The following VDR variants were observed in gnomAD, a reference collection of about 807,000 sequenced individuals.
The protein encoded by VDR is vitamin D3 receptor.
In VDR, 19 loss-of-function variants were observed where a neutral mutation model predicts 39.7. The ratio of observed to expected loss-of-function variants is 0.48; its 90% CI spans 0.33 to 0.70. VDR has a LOEUF of 0.70. Among genes scored for constraint, VDR ranks in the 30% least tolerant of loss-of-function variants. The pLI is 0.02. For synonymous variants in VDR, 242 were observed against 215.8 expected (o/e 1.12, Z -1.07); for missense variants, 442 against 570.5 (o/e 0.77, Z 2.29).
intron 1 of VDR, among the ~76,000 whole-genome samples, chr12:47,886,220 T>C (rs1231108096): frequency 6.6e-6 from 1 of 152,260 alleles, no homozygotes; most frequent in Admixed American, 6.5e-5. Context: ...GATATGCCTG[T>C]GTGTCCGCCA....
At chr12:47,850,127 T>C (rs1232601470) in intron 7 of VDR, among the ~76,000 whole-genome samples, 6 of 152,188 alleles carry the variant, frequency 3.9e-5, no homozygotes, top group Admixed American at 3.9e-4. Flanking sequence ...TCTGGGATTA[T>C]AGGTGTGAGC....
At chr12:47,861,654 G>A (rs1407824400) in intron 4 of VDR, among the ~76,000 whole-genome samples, 1 of 152,190 alleles carries the variant, frequency 6.6e-6, no homozygotes, top group East Asian at 1.9e-4. Flanking sequence ...CTGAAAGAGT[G>A]TTGGGCTGTC....
At chr12:47,852,061 C>T (rs1253406328) in intron 7 of VDR, among the ~76,000 whole-genome samples, 1 of 152,190 alleles carries the variant, frequency 6.6e-6, no homozygotes, top group East Asian at 1.9e-4. Context: ...GGGCCTTGAG[C>T]ATGGGAGAAA....
At chr12:47,896,709 GTCAGACCTCAAATGGAGT>G (rs1946471068) in intron 1 of VDR, 1 of 152,174 alleles carries the variant, frequency 6.6e-6, no homozygotes, top group Non-Finnish European at 1.5e-5. Flanking sequence ...AACAAAGCCG[GTCAGACCTCAAATGGAGT>G]TCATTATAAT....
chr12:47,882,636 A>ACCCCCCCC, intron 2 of VDR, 58 bp downstream of exon 2: 7 of 266,076 alleles, frequency 2.6e-5, no homozygotes, highest in South Asian at 4.9e-5. Context: ...CCTCCCCCCC[A>ACCCCCCCC]CCCCGCCCCT....
chr12:47,877,605 G>T (rs1946033325), intron 3 of VDR, among the ~76,000 whole-genome samples: 1 of 152,100 alleles, frequency 6.6e-6, no homozygotes, highest in Admixed American at 6.5e-5. Context: ...AGGCGCTGAG[G>T]TGTGCGTTAG....
chr12:47,899,901 G>A (rs886432216), intron 1 of VDR: 1 of 985,442 alleles, frequency 1.0e-6, no homozygotes, highest in African/African-American at 1.7e-5. Flanking sequence ...CCTGGCATGA[G>A]GCTATCAGAG....
At chr12:47,851,346 G>A (rs773962598) in intron 7 of VDR, among the ~76,000 whole-genome samples, 11 of 152,058 alleles carry the variant, frequency 7.2e-5, no homozygotes, top group Non-Finnish European at 1.3e-4. Flanking sequence ...AGACTGAGAG[G>A]CTAAGGGAGG....
At chr12:47,847,773 T>C (rs1945306990) in intron 7 of VDR, among the ~76,000 whole-genome samples, 1 of 152,108 alleles carries the variant, frequency 6.6e-6, no homozygotes, top group African/African-American at 2.4e-5. Context: ...GACAGTGTCC[T>C]GTTCTGTCAC....
At chr12:47,878,698 G>A in intron 3 of VDR, 1 of 558,762 alleles carries the variant, frequency 1.8e-6, no homozygotes, top group South Asian at 1.6e-5. Flanking sequence ...GTAGGAGGCT[G>A]TGGGTTACAG....
chr12:47,886,254 G>A (rs1374454981), intron 1 of VDR, among the ~76,000 whole-genome samples: 4 of 152,202 alleles, frequency 2.6e-5, no homozygotes, highest in Admixed American at 1.3e-4. Flanking sequence ...ATGTACTTGT[G>A]CGTACACACC....
intron 7 of VDR, among the ~76,000 whole-genome samples, chr12:47,848,950 T>A (rs1029719200): frequency 2.6e-5 from 4 of 152,164 alleles, no homozygotes; most frequent in African/African-American, 9.7e-5. Context: ...CACTGACCAT[T>A]GAGCCGTCAG....
At chr12:47,883,021 G>T (rs962990147) in intron 1 of VDR, 1 of 460,442 alleles carries the variant, frequency 2.2e-6, no homozygotes, top group African/African-American at 2.1e-5. Flanking sequence ...AGTGGGAAGC[G>T]GTGGCGGCAA....
intron 4 of VDR, among the ~76,000 whole-genome samples, chr12:47,859,921 CTTTT>C (rs67136609): frequency 3.0e-5 from 2 of 67,562 alleles, no homozygotes; most frequent in African/African-American, 1.2e-4. Context: ...TTCCTTCTTT[CTTTT>C]TCTTTCTTTC....
intron 3 of VDR, among the ~76,000 whole-genome samples, chr12:47,873,394 G>T (rs7311713): frequency 0.35 from 41,746 of 118,478 alleles, 6,862 homozygotes; most frequent in Middle Eastern, 0.42. Flanking sequence ...ACGGAGTCTC[G>T]CTGTCGCCCA....
intron 4 of VDR, among the ~76,000 whole-genome samples, chr12:47,859,908 TC>T (rs1423980916): frequency 7.2e-3 from 322 of 44,766 alleles, no homozygotes; most frequent in African/African-American, 0.025. Flanking sequence ...CTTCCTTCCT[TC>T]CTTCCTTCTT....
chr12:47,873,981 T>C (rs182225880), intron 3 of VDR, among the ~76,000 whole-genome samples: 14 of 152,314 alleles, frequency 9.2e-5, no homozygotes, highest in Middle Eastern at 3.4e-3. Flanking sequence ...ATCTCAAGTG[T>C]GTGCTGAGTG....
chr12:47,891,889 ACCACCACCAC>A (rs1946377299), intron 1 of VDR, among the ~76,000 whole-genome samples: 1 of 151,204 alleles, frequency 6.6e-6, no homozygotes, highest in Admixed American at 6.6e-5. Context: ...GGGCAGCGGC[ACCACCACCAC>A]CCACCCCCAC....
intron 3 of VDR, among the ~76,000 whole-genome samples, chr12:47,873,598 T>C (rs995156268): frequency 3.3e-5 from 5 of 151,770 alleles, no homozygotes; most frequent in African/African-American, 7.3e-5. Flanking sequence ...CCTGACCTCG[T>C]GATCCGCCCG....
Sources: allele counts gnomAD v4.1 joint callset (sites outside exome capture counted in the v4.1 genomes callset), GRCh38; gene constraint gnomAD v4.1.1; transcripts MANE v1.5; gene names NCBI Gene and HGNC (gene_info 2026-07-23, HGNC 2026-07-21).